Variants in HAUS7 observed in about 807,000 individuals in gnomAD.
The protein encoded by HAUS7 is HAUS augmin like complex subunit 7.
Under a neutral mutation model 28.4 loss-of-function variants are expected in HAUS7, and 3 were observed. The observed-to-expected ratio is 0.11, with a 90% confidence interval of 0.05 to 0.27. The LOEUF (loss-of-function observed/expected upper bound fraction) is 0.27. HAUS7 is among the 10% of genes least tolerant of loss of function. The pLI is 1.00. For synonymous variants in HAUS7, 165 were observed against 132.1 expected (o/e 1.25, Z -1.71); for missense variants, 284 against 297.3 (o/e 0.96, Z 0.33).
Position 153,469,056 on chromosome X carries a change from A to C in HAUS7, c.224+90T>G, listed in dbSNP as rs1465766497. 4 of 535,374 alleles carry C rather than the reference A, an allele frequency of 7.5e-6. No individual in the cohort carries two copies. The South Asian group carries it at 1.1e-4, about 14-fold the overall frequency. The allele number at this position is 535,374 out of a possible 1,213,427, so 44.1% of individuals were successfully genotyped here. A position where few individuals can be genotyped will look rare whatever the true frequency, so the allele number is the denominator to read the frequency against. The stretch of plus-strand genomic sequence containing the variant: ...GAGCCCTCTGGGAAGACAGCTACTC[A>C]CAGTAACCACAAACCCCATCTTCCC... On this transcript the variant is annotated intron_variant, in intron 2 of 9. Transcript: ENST00000370211.
At chrX:153,465,188 A>G (rs1312818168) in intron 2 of HAUS7, 133 bp from the exon 3 acceptor site, 2 of 402,396 alleles carry the variant, frequency 5.0e-6, no homozygotes, top group Non-Finnish European at 8.7e-6. Context: ...TAAAGTGGTT[A>G]CTTCTGTGTC....
chrX:153,483,611 C>G (rs782493386), intron 1 of HAUS7, among the ~76,000 whole-genome samples: 7 of 111,713 alleles, frequency 6.3e-5, no homozygotes, highest in Non-Finnish European at 1.9e-5. Context: ...AGGACTTGTT[C>G]CTTGGGCCTG....
intron 4 of HAUS7, chrX:153,461,690 C>G (rs2089393105): frequency 1.2e-5 from 2 of 170,788 alleles, no homozygotes; most frequent in East Asian, 1.1e-4. Flanking sequence ...AATGAGATGC[C>G]ACCCCACACC....
chrX:153,453,751 C>T (rs1342599193), intron 9 of HAUS7, among the ~76,000 whole-genome samples: 1 of 110,928 alleles, frequency 9.0e-6, no homozygotes, highest in Non-Finnish European at 1.9e-5. Context: ...CCCCACCTCA[C>T]TCCATATGCA....
intron 4 of HAUS7, 26 bp from the exon 5 acceptor site, chrX:153,457,254 C>A: frequency 9.7e-7 from 1 of 1,033,526 alleles, no homozygotes; most frequent in Non-Finnish European, 1.4e-6. Context: ...CACAGACATT[C>A]ACTGGCTCCA....
intron 1 of HAUS7, chrX:153,480,665 G>A (rs2089594103): frequency 1.1e-5 from 8 of 754,607 alleles, no homozygotes; most frequent in South Asian, 6.7e-5. Flanking sequence ...AGCCCACCCC[G>A]AAGCAGGGAG....
At chrX:153,477,752 T>A (rs1359426222) in intron 1 of HAUS7, among the ~76,000 whole-genome samples, 2 of 112,199 alleles carry the variant, frequency 1.8e-5, no homozygotes, top group African/African-American at 3.2e-5. Flanking sequence ...CCCTAGATGG[T>A]CCCTGTTTCT....
At position 153,482,290 on chromosome X, in the gene HAUS7, C is replaced by G. The variant is rs1350610996; in HGVS notation, c.-588-11145G>C. On this transcript the variant is annotated intron_variant, in intron 1 of 5. Transcript: ENST00000370210. ...AGGCCTGTGCCCCGACCAGCAGGCC[C>G]CCAACCCCAGCCCACCTATTCCCCA... 2.3e-5 allele frequency: 17 copies of G among 755,213 alleles called. No homozygotes were observed. In the African/African-American group the frequency reaches 3.7e-4, roughly 16 times the overall value. The allele number at this position is 755,213 out of a possible 1,213,427, so 62.2% of individuals were successfully genotyped here. A position where few individuals can be genotyped will look rare whatever the true frequency, so the allele number is the denominator to read the frequency against.
intron 4 of HAUS7, 23 bp downstream of exon 4, chrX:153,462,587 A>C: frequency 8.9e-7 from 1 of 1,117,471 alleles, no homozygotes; most frequent in Non-Finnish European, 1.2e-6. Context: ...TGCCGTCTGC[A>C]GAGCAGACAG....
At chrX:153,478,494 G>A (rs1192561568) in intron 1 of HAUS7, among the ~76,000 whole-genome samples, 1 of 113,072 alleles carries the variant, frequency 8.8e-6, no homozygotes, top group Non-Finnish European at 1.9e-5. Flanking sequence ...CAGACTGTTG[G>A]CCAAGAAGTC....
chrX:153,471,446 A>C (rs1252904170), upstream of HAUS7, among the ~76,000 whole-genome samples: 2 of 112,218 alleles, frequency 1.8e-5, no homozygotes, highest in Admixed American at 9.3e-5. Flanking sequence ...AAATTTTTCT[A>C]CATCCCTCAG....
At chrX:153,449,069 C>T in intron 9 of HAUS7, among the ~76,000 whole-genome samples, 1 of 112,169 alleles carries the variant, frequency 8.9e-6, no homozygotes, top group African/African-American at 3.2e-5. Flanking sequence ...CTGCCATGAC[C>T]ACATCTGCCT....
At chrX:153,454,812 G>GC (rs2089283855) in intron 8 of HAUS7, 1 of 771,325 alleles carries the variant, frequency 1.3e-6, no homozygotes, top group Non-Finnish European at 1.9e-6. Context: ...CCCAGCCCCA[G>GC]CAATTGGCAA....
intron 8 of HAUS7, chrX:153,455,128 G>C (rs1246376108): frequency 3.7e-6 from 2 of 546,821 alleles, no homozygotes; most frequent in Non-Finnish European, 5.8e-6. Flanking sequence ...CAGGCTCATG[G>C]GCAGACAGGC....
chrX:153,461,066 T>C (rs1001157717), intron 4 of HAUS7, among the ~76,000 whole-genome samples: 1 of 111,594 alleles, frequency 9.0e-6, no homozygotes, highest in African/African-American at 3.3e-5. Context: ...CGAAGAGCCA[T>C]GCAAAGGCTG....
chrX:153,461,747 C>T (rs782812199), intron 4 of HAUS7: 2 of 227,325 alleles, frequency 8.8e-6, no homozygotes, highest in East Asian at 7.0e-5. Flanking sequence ...CAAGTGCCAG[C>T]GAGGACGAGG....
intron 2 of HAUS7, among the ~76,000 whole-genome samples, chrX:153,468,598 C>CA (rs1408626274): frequency 1.4e-4 from 16 of 112,569 alleles, no homozygotes; most frequent in African/African-American, 4.5e-4. Flanking sequence ...GTGCCAGGCA[C>CA]ACACCATGCT....
chrX:153,492,752 T>C (rs1434166670), intron 1 of HAUS7, among the ~76,000 whole-genome samples: 1 of 111,460 alleles, frequency 9.0e-6, no homozygotes, highest in Non-Finnish European at 1.9e-5. Flanking sequence ...ACGTGTGCTC[T>C]TCCTTCCACC....
chrX:153,466,494 A>G (rs1287366865), intron 2 of HAUS7, among the ~76,000 whole-genome samples: 1 of 112,146 alleles, frequency 8.9e-6, no homozygotes, highest in Non-Finnish European at 1.9e-5. Flanking sequence ...CTCTGCCCCA[A>G]CCCACACCAA....
Sources: gnomAD v4.1 joint callset for allele counts (sites outside exome capture counted in the v4.1 genomes callset) on GRCh38, gnomAD v4.1.1 for gene constraint, MANE v1.5 for transcripts, NCBI Gene and HGNC (gene_info 2026-07-23, HGNC 2026-07-21) for gene names.